Variants in DARS1 observed in about 807,000 individuals in gnomAD.
DARS1 encodes aspartyl-tRNA synthetase 1, also known as aspartate--tRNA ligase, cytoplasmic.
A neutral mutation model predicts 68.8 loss-of-function variants in DARS1; 51 were observed. The observed-to-expected ratio is 0.74, with a 90% CI of 0.59 to 0.94. The LOEUF (loss-of-function observed/expected upper bound fraction) is 0.94, where lower values mean the gene tolerates loss of function less well. Ranked by LOEUF, DARS1 falls within the 40% of genes least tolerant of loss-of-function variation. DARS1 has a pLI of 0.00. For missense variants in DARS1, 607 were observed against 597.3 expected (o/e 1.02, Z -0.17); for synonymous variants, 203 against 190.4 (o/e 1.07, Z -0.55).
intron 5 of DARS1, among the ~76,000 whole-genome samples, chr2:135,942,852 T>C (rs1263194969): frequency 6.6e-6 from 1 of 152,186 alleles, no homozygotes; most frequent in African/African-American, 2.4e-5. Context: ...TGCTCCTGCA[T>C]GTATATTCCC....
intron 3 of DARS1, among the ~76,000 whole-genome samples, chr2:135,967,241 TA>T (rs1206727561): frequency 2.0e-5 from 3 of 152,350 alleles, no homozygotes; most frequent in Admixed American, 6.5e-5. Flanking sequence ...AATTAGGGAT[TA>T]AAACAACAAA....
At chr2:135,925,629 T>C (rs1391811441) in intron 7 of DARS1, among the ~76,000 whole-genome samples, 3 of 152,222 alleles carry the variant, frequency 2.0e-5, no homozygotes, top group Non-Finnish European at 2.9e-5. Context: ...AAGTTACAAA[T>C]CAATAGTTTC....
chr2:135,985,524 AG>A lies in DARS1; in HGVS notation c.-57del. The A allele has an allele frequency of 6.2e-7, 1 of 1,613,232 alleles. No individual in the cohort carries two copies. The highest frequency in any genetic ancestry group is 8.5e-7 in the Non-Finnish European group (1 of 1,179,670). On this transcript the variant is annotated 5_prime_UTR_variant, in exon 1 of 16. Coordinates refer to ENST00000264161, the MANE Select transcript of DARS1 (RefSeq NM_001349.4). The stretch of plus-strand genomic sequence containing the variant: ...CCTCCCTCGCAGGCTTCCGTAAGGC[AG>A]GCCAAAGGGGCTTCTCCCTCCCTCC...
chr2:135,939,570 A>C (rs974938975), intron 5 of DARS1, among the ~76,000 whole-genome samples: 4 of 152,228 alleles, frequency 2.6e-5, no homozygotes, highest in African/African-American at 7.2e-5. Context: ...AAGATCTAAA[A>C]TTGACACCCT....
At chr2:135,984,352 A>T (rs1682718254) in intron 1 of DARS1, among the ~76,000 whole-genome samples, 1 of 152,254 alleles carries the variant, frequency 6.6e-6, no homozygotes. Flanking sequence ...AGGTAACTTA[A>T]GATCTGTATG....
chr2:135,959,167 G>C (rs1198142163), intron 4 of DARS1, among the ~76,000 whole-genome samples: 1 of 151,708 alleles, frequency 6.6e-6, no homozygotes, highest in Non-Finnish European at 1.5e-5. Flanking sequence ...TGAGGCGGGC[G>C]GATCACCTGA....
intron 5 of DARS1, among the ~76,000 whole-genome samples, chr2:135,939,835 G>A (rs374399636): frequency 7.9e-5 from 12 of 152,138 alleles, no homozygotes; most frequent in South Asian, 2.1e-4. Context: ...TATCACCACC[G>A]ATCCCACAGA....
rs754150613 is a variant in DARS1 at position 135,933,881 on chromosome 2, G to A, written c.504+29C>T. ...TTTGCAAACTAAATATACAGCGGAAGCATAATATTTCATAAGTATAATTTT... is the reference window on the plus strand; with the variant it reads ...TTTGCAAACTAAATATACAGCGGAAACATAATATTTCATAAGTATAATTTT... On this transcript the variant is annotated intron_variant, in intron 6 of 15. Coordinates refer to ENST00000264161, the MANE Select transcript of DARS1 (RefSeq NM_001349.4). 17 of 1,603,300 alleles carry A rather than the reference G, an allele frequency of 1.1e-5. No individual in the cohort carries two copies. The Admixed American group carries it at 2.9e-4, about 27-fold the overall frequency.
At chr2:135,955,349 C>CA (rs908738264) in intron 4 of DARS1, among the ~76,000 whole-genome samples, 2 of 151,924 alleles carry the variant, frequency 1.3e-5, no homozygotes, top group African/African-American at 4.8e-5. Flanking sequence ...ACTATATACT[C>CA]AATGATAAAT....
intron 4 of DARS1, among the ~76,000 whole-genome samples, chr2:135,959,391 CAAAAAAAAAAAAAAAAAAAAAAAAAAAA>C (rs66527494): frequency 3.3e-4 from 5 of 15,032 alleles, no homozygotes; most frequent in South Asian, 3.1e-3. Flanking sequence ...AACTCCGTCT[CAAAAAAAAAAAAAAAAAAAAAAAAAAAA>C]AAAAAAAAAA....
At chr2:135,968,658 CTTT>C (rs765797736) in intron 3 of DARS1, among the ~76,000 whole-genome samples, 21 of 129,036 alleles carry the variant, frequency 1.6e-4, no homozygotes, top group African/African-American at 5.9e-4. Context: ...GGGGATTCAG[CTTT>C]TTTTTTTTTT....
Position 135,924,501 on chromosome 2 carries a change from A to G in DARS1, c.565-3T>C, listed in dbSNP as rs750915271. 1 of 1,601,972 alleles carries G rather than the reference A, an allele frequency of 6.2e-7. No homozygotes were observed. Among genetic ancestry groups the G allele is most frequent in the Non-Finnish European group, 8.5e-7 (1 of 1,176,392 alleles). ...AAGACTGCCTGACTAGTTGATGTCT[A>G]GAAGACAGTAATAAAATCTAATTAA... is the stretch of plus-strand genomic sequence containing the variant. On this transcript the variant is annotated splice_region_variant and splice_polypyrimidine_tract_variant and intron_variant, in intron 7 of 15. Coordinates refer to ENST00000264161, the MANE Select transcript of DARS1 (RefSeq NM_001349.4).
chr2:135,952,329 G>A (rs142453950), intron 4 of DARS1, among the ~76,000 whole-genome samples: 10 of 152,050 alleles, frequency 6.6e-5, no homozygotes, highest in Admixed American at 1.3e-4. Context: ...ACAGTGTGAT[G>A]TCTCCATATA....
At chr2:135,910,059 T>C (rs1680864413) in intron 15 of DARS1, among the ~76,000 whole-genome samples, 1 of 152,198 alleles carries the variant, frequency 6.6e-6, no homozygotes, top group Non-Finnish European at 1.5e-5. Flanking sequence ...CTTTATCCAT[T>C]CATCCACTGA....
intron 5 of DARS1, among the ~76,000 whole-genome samples, chr2:135,934,208 T>C (rs1681415634): frequency 6.6e-6 from 1 of 152,216 alleles, no homozygotes; most frequent in Admixed American, 6.5e-5. Flanking sequence ...TCTATGGTTG[T>C]TAGAACAGTC....
intron 4 of DARS1, among the ~76,000 whole-genome samples, chr2:135,952,728 A>G (rs1681867359): frequency 6.6e-6 from 1 of 152,244 alleles, no homozygotes; most frequent in South Asian, 2.1e-4. Context: ...ATGGCTGAAT[A>G]GTATTCCAGA....
At position 135,920,593 on chromosome 2, in the gene DARS1, T is replaced by C; in HGVS notation, c.819A>G (p.Arg273=). 1 of 1,596,902 alleles carries C rather than the reference T, an allele frequency of 6.3e-7. No homozygotes were observed. The highest frequency in any genetic ancestry group is 8.5e-7 in the Non-Finnish European group (1 of 1,174,726). ...EKVFSIGPVF[R]AEDSNTHRHL... Reference sequence around the variant, plus strand: ...GTCTATGGGTATTAGAGTCTTCCGCTCTGAATACTGTGAAGTTAATAAAAG... The same window carrying C: ...GTCTATGGGTATTAGAGTCTTCCGCCCTGAATACTGTGAAGTTAATAAAAG... Residue 273 remains arginine (R), a synonymous_variant, in exon 10 of 16, where the codon AGA becomes AGG. Coordinates refer to ENST00000264161, the MANE Select transcript of DARS1 (RefSeq NM_001349.4).
At chr2:135,955,977 G>GTC (rs1054734819) in intron 4 of DARS1, among the ~76,000 whole-genome samples, 2 of 152,020 alleles carry the variant, frequency 1.3e-5, no homozygotes, top group African/African-American at 4.8e-5. Context: ...CAATTCTAAG[G>GTC]TAAGCATAAG....
chr2:135,978,372 A>G (rs1327663442), intron 3 of DARS1, among the ~76,000 whole-genome samples: 2 of 152,288 alleles, frequency 1.3e-5, no homozygotes, highest in East Asian at 3.9e-4. Flanking sequence ...ATGTCTTAGA[A>G]AGCTTCTAGC....
Sources: allele counts gnomAD v4.1 joint callset (sites outside exome capture counted in the v4.1 genomes callset), GRCh38; gene constraint gnomAD v4.1.1; transcripts MANE v1.5; gene names NCBI Gene and HGNC (gene_info 2026-07-23, HGNC 2026-07-21).